BLM: variants seen among roughly 807,000 people sequenced by gnomAD.
BLM encodes recQ-like DNA helicase BLM.
A neutral mutation model predicts 135.3 loss-of-function variants in BLM; 95 were observed. That is an observed-to-expected ratio of 0.70 (90% CI 0.59 to 0.83). The LOEUF (loss-of-function observed/expected upper bound fraction) is 0.83, where lower values mean the gene tolerates loss of function less well. Ranked by LOEUF, BLM falls within the 40% of genes least tolerant of loss-of-function variation. The pLI, the probability that BLM is intolerant of heterozygous loss-of-function variation, is 0.00. For synonymous variants in BLM, 520 were observed against 589.2 expected, an observed-to-expected ratio of 0.88 and a Z score of 1.70; for missense variants, 1,518 against 1,663.9, an observed-to-expected ratio of 0.91 and a Z score of 1.53.
intron 19 of BLM, 54 bp from the exon 20 acceptor site, chr15:90,809,083 A>G: frequency 6.2e-7 from 1 of 1,608,924 alleles, no homozygotes; most frequent in Non-Finnish European, 8.5e-7. Flanking sequence ...GCCTGAATTC[A>G]GTGGGTTTTC....
chr15:90,798,803 G>A (rs1897094219), intron 17 of BLM, among the ~76,000 whole-genome samples: 1 of 152,020 alleles, frequency 6.6e-6, no homozygotes, highest in African/African-American at 2.4e-5. Flanking sequence ...CCAACATGGT[G>A]AAACCCTGTC....
At chr15:90,773,551 G>A (rs1453796542) in intron 12 of BLM, among the ~76,000 whole-genome samples, 1 of 126,152 alleles carries the variant, frequency 7.9e-6, no homozygotes, top group Non-Finnish European at 1.6e-5. Context: ...ATAAGGTTGT[G>A]CAGCCATCAC....
At chr15:90,756,919 T>C (rs1895834310) in intron 5 of BLM, among the ~76,000 whole-genome samples, 2 of 152,242 alleles carry the variant, frequency 1.3e-5, no homozygotes, top group African/African-American at 4.8e-5. Context: ...CTTCAGTTTT[T>C]TCTTCTATAA....
Position 90,784,966 on chromosome 15 carries a change from C to G in BLM, c.2708C>G (p.Thr903Ser). ...TGCCTCTCCAGGCGAGAATGTGACACCATGGCTGACACGTTACAGAGAGAT... is the reference window on the plus strand; with the variant it reads ...TGCCTCTCCAGGCGAGAATGTGACAGCATGGCTGACACGTTACAGAGAGAT... Reference protein sequence around the residue: ...IYCLSRRECDTMADTLQRDGL... With the variant: ...IYCLSRRECDSMADTLQRDGL... Residue 903 changes from threonine to serine, a missense_variant, in exon 14 of 22, where the codon ACC becomes AGC. By Grantham distance (58) the Thr-to-Ser change is moderately conservative. This residue lies in a region of BLM where 626 missense variants were observed against 681.1 expected (regional missense o/e 0.92). Transcript: ENST00000355112. The G allele has an allele frequency of 1.2e-6, 2 of 1,614,112 alleles. No homozygotes were observed. The highest frequency in any genetic ancestry group is 1.7e-6 in the Non-Finnish European group (2 of 1,180,024).
rs767387157 is a variant in BLM, at chr15:90,804,385, C to T, written c.3751+26C>T. The T allele has an allele frequency of 2.1e-5, 34 of 1,591,354 alleles. 2 individuals carry two copies. The highest frequency in any genetic ancestry group is 3.3e-4 in the Middle Eastern group (2 of 6,026). On this transcript the variant is annotated intron_variant, in intron 19 of 21. Transcript: ENST00000355112. The stretch of plus-strand genomic sequence containing the variant: ...GTGGGTACACATGTATCCTTTGTTA[C>T]GTGGCACAGATTAATAGGCCGAAAG...
intron 1 of BLM, among the ~76,000 whole-genome samples, chr15:90,722,042 T>G (rs899849830): frequency 6.6e-6 from 1 of 152,064 alleles, no homozygotes; most frequent in Non-Finnish European, 1.5e-5. Context: ...CCCAGCACTT[T>G]AGGAGGCTGA....
intron 19 of BLM, among the ~76,000 whole-genome samples, chr15:90,805,129 C>T (rs1412425665): frequency 2.9e-5 from 4 of 138,076 alleles, no homozygotes; most frequent in South Asian, 4.9e-4. Context: ...AGCCACCATG[C>T]GCGGCCGAAA....
chr15:90,718,913 G>C (rs1035566588), intron 1 of BLM, among the ~76,000 whole-genome samples: 1 of 152,130 alleles, frequency 6.6e-6, no homozygotes, highest in Non-Finnish European at 1.5e-5. Context: ...GGGAATGAGT[G>C]ATAGTTTATT....
chr15:90,730,703 C>T (rs1895045457), intron 1 of BLM, among the ~76,000 whole-genome samples: 1 of 152,156 alleles, frequency 6.6e-6, no homozygotes, highest in African/African-American at 2.4e-5. Flanking sequence ...GTCTCAGCCT[C>T]CCAAAGTGCT....
At chr15:90,755,535 T>C (rs1335977761) in intron 5 of BLM, among the ~76,000 whole-genome samples, 1 of 152,218 alleles carries the variant, frequency 6.6e-6, no homozygotes, top group Admixed American at 6.5e-5. Flanking sequence ...CAGATAGCAG[T>C]GCAAGACTTT....
At chr15:90,792,453 T>C (rs963412336) in intron 15 of BLM, among the ~76,000 whole-genome samples, 1 of 151,672 alleles carries the variant, frequency 6.6e-6, no homozygotes, top group African/African-American at 2.4e-5. Context: ...GCATAGGAAA[T>C]GGCACTTACC....
chr15:90,780,586 T>C (rs1896594444), intron 12 of BLM, among the ~76,000 whole-genome samples: 1 of 152,234 alleles, frequency 6.6e-6, no homozygotes, highest in Non-Finnish European at 1.5e-5. Context: ...GCCCTTCCTA[T>C]CTGCAGTTTC....
chr15:90,730,128 A>G (rs1428167424), intron 1 of BLM, among the ~76,000 whole-genome samples: 1 of 152,186 alleles, frequency 6.6e-6, no homozygotes, highest in Non-Finnish European at 1.5e-5. Flanking sequence ...TGCTGGGATT[A>G]CAGGCTTGAG....
intron 15 of BLM, 133 bp from the exon 16 acceptor site, chr15:90,794,034 A>G (rs1896967924): frequency 1.8e-6 from 1 of 561,302 alleles, no homozygotes; most frequent in Non-Finnish European, 3.0e-6. Context: ...ATAGAATGCC[A>G]TGTTGACAAT....
Position 90,809,383 on chromosome 15 carries a change from A to G in BLM, c.3874+124A>G, listed in dbSNP as rs564859659. On this transcript the variant is annotated intron_variant, in intron 20 of 21. Coordinates refer to ENST00000355112, the MANE Select transcript of BLM (RefSeq NM_000057.4). ...ACCTCGTCACACTGACATCCAAGTC[A>G]GCCCCCAGTGGTGTGCCAGTCACCT... 1.6e-5 allele frequency: 24 copies of G among 1,506,870 alleles called. No individual in the cohort carries two copies. In the Admixed American group the frequency reaches 2.8e-4, roughly 18 times the overall value. 93.3% of individuals were successfully genotyped at this position (1,506,870 alleles called of 1,614,324 possible). A position where few individuals can be genotyped will look rare whatever the true frequency, so the allele number is the denominator to read the frequency against.
intron 2 of BLM, 27 bp from the exon 3 acceptor site, chr15:90,749,340 T>A: frequency 6.5e-7 from 1 of 1,535,752 alleles, no homozygotes; most frequent in Non-Finnish European, 9.0e-7. Flanking sequence ...TGGATCCATC[T>A]AATCTAGTTT....
At chr15:90,769,726 C>G in intron 12 of BLM, 140 bp downstream of exon 12, 1 of 997,418 alleles carries the variant, frequency 1.0e-6, no homozygotes, top group Non-Finnish European at 1.5e-6. Flanking sequence ...AACCCGATGG[C>G]AGCTAAATCA....
Position 90,739,684 on chromosome 15 carries a change from C to T in BLM, c.-4-7705C>T, listed in dbSNP as rs1471031116. The stretch of plus-strand genomic sequence containing the variant: ...CCATACTGTATGAGTCTGCTGATGA[C>T]AAACTATTGTTTTTTTGATAATCTG... On this transcript the variant is annotated intron_variant, in intron 1 of 21. Transcript: ENST00000355112. Among the ~76,000 whole-genome samples, 3 of 152,294 alleles carry T rather than the reference C, an allele frequency of 2.0e-5. No homozygotes were observed. The East Asian group carries it at 5.8e-4, about 29-fold the overall frequency.
chr15:90,727,512 G>A (rs1894950236), intron 1 of BLM, among the ~76,000 whole-genome samples: 2 of 152,020 alleles, frequency 1.3e-5, no homozygotes, highest in African/African-American at 2.4e-5. Flanking sequence ...TTCCTACACT[G>A]ATCAGGTTGT....
Sources: allele counts gnomAD v4.1 joint callset (sites outside exome capture counted in the v4.1 genomes callset), GRCh38; gene constraint gnomAD v4.1.1; regional missense constraint gnomAD v4.1.1; transcripts MANE v1.5; gene names NCBI Gene and HGNC (gene_info 2026-07-23, HGNC 2026-07-21).